Variants in PCSK2 observed in about 807,000 individuals in gnomAD.
The protein encoded by PCSK2 is neuroendocrine convertase 2.
In PCSK2, 14 loss-of-function variants were observed where a neutral mutation model predicts 69.7. That is an observed-to-expected ratio of 0.20 (90% CI 0.13 to 0.31). PCSK2 has a LOEUF of 0.31. PCSK2 is among the 10% of genes least tolerant of loss of function. The probability of loss-of-function intolerance (pLI) is 1.00; values close to 1 mark genes in which losing one functional copy is unlikely to be tolerated. For missense variants in PCSK2, 544 were observed against 842.5 expected (o/e 0.65, Z 4.39); for synonymous variants, 307 against 320.7 (o/e 0.96, Z 0.46).
chr20:17,445,418 AG>A (rs2123366683), intron 8 of PCSK2, among the ~76,000 whole-genome samples: 1 of 152,366 alleles, frequency 6.6e-6, no homozygotes, highest in Admixed American at 6.5e-5. Context: ...GAATATTTAA[AG>A]ACAAGGCTAC....
intron 1 of PCSK2, among the ~76,000 whole-genome samples, chr20:17,235,639 G>A (rs1035944353): frequency 3.9e-5 from 6 of 152,110 alleles, no homozygotes; most frequent in Non-Finnish European, 8.8e-5. Context: ...TTAAGTAGAG[G>A]GCAAAGAGAT....
At chr20:17,316,897 T>A (rs561752773) in intron 2 of PCSK2, among the ~76,000 whole-genome samples, 53 of 152,286 alleles carry the variant, frequency 3.5e-4, no homozygotes, top group African/African-American at 1.2e-3. Flanking sequence ...CCCTATGAAG[T>A]GCAGGCTTTA....
intron 8 of PCSK2, among the ~76,000 whole-genome samples, chr20:17,441,369 G>A (rs933200233): frequency 6.6e-6 from 1 of 152,198 alleles, no homozygotes; most frequent in Non-Finnish European, 1.5e-5. Context: ...GACATCAAAG[G>A]GTAGTTGTCT....
At chr20:17,394,494 A>G (rs947142442) in intron 5 of PCSK2, among the ~76,000 whole-genome samples, 3 of 152,128 alleles carry the variant, frequency 2.0e-5, no homozygotes, top group Admixed American at 2.0e-4. Context: ...AGGGACATCT[A>G]TTCACTGCAG....
At chr20:17,266,754 G>T (rs1166782914) in intron 2 of PCSK2, among the ~76,000 whole-genome samples, 2 of 152,112 alleles carry the variant, frequency 1.3e-5, no homozygotes, top group African/African-American at 2.4e-5. Flanking sequence ...TGGCCCTTCA[G>T]AGTTACCCCA....
At chr20:17,258,967 GT>G (rs1381653290) in intron 1 of PCSK2, among the ~76,000 whole-genome samples, 1 of 151,592 alleles carries the variant, frequency 6.6e-6, no homozygotes, top group Non-Finnish European at 1.5e-5. Context: ...GTGTTTTTCG[GT>G]TTTCTAAATT....
chr20:17,409,243 A>C lies in PCSK2; in HGVS notation c.544-20A>C, dbSNP rs370350327. 655 of 1,605,570 alleles carry C rather than the reference A, an allele frequency of 4.1e-4. No individual in the cohort carries two copies. Among genetic ancestry groups the C allele is most frequent in the Non-Finnish European group, 5.4e-4 (630 of 1,172,378 alleles). On this transcript the variant is annotated intron_variant, in intron 5 of 11. Coordinates refer to ENST00000262545, the MANE Select transcript of PCSK2 (RefSeq NM_002594.5). ...CGCCTCTGGCTGTACGGACCTAATG[A>C]GATGCCTTGTGTTTTTCAGAATGCC...
chr20:17,403,054 C>T (rs1453485208), intron 5 of PCSK2, among the ~76,000 whole-genome samples: 1 of 152,214 alleles, frequency 6.6e-6, no homozygotes, highest in Non-Finnish European at 1.5e-5. Flanking sequence ...TATCACTCCT[C>T]TTATCTGGAA....
rs528269244 is a variant in PCSK2, at chr20:17,367,897, G to A, written c.506-1343G>A. Among the ~76,000 whole-genome samples the A allele has an allele frequency of 1.4e-4, 21 of 152,242 alleles. No individual in the cohort carries two copies. The South Asian group carries it at 2.7e-3, about 20-fold the overall frequency. ...TGATGCCTTTCCCTCTGAAGACTTC[G>A]GGAGGCAAGTGGGAGAAGAAGGCAT... On this transcript the variant is annotated intron_variant, in intron 4 of 11. Transcript: ENST00000262545.
At chr20:17,291,063 A>C (rs1261180177) in intron 2 of PCSK2, among the ~76,000 whole-genome samples, 2 of 151,966 alleles carry the variant, frequency 1.3e-5, no homozygotes, top group Non-Finnish European at 2.9e-5. Flanking sequence ...TTTCAACCTG[A>C]GTTTAGGAGG....
intron 5 of PCSK2, among the ~76,000 whole-genome samples, chr20:17,400,813 G>A (rs1313937408): frequency 6.6e-6 from 1 of 151,994 alleles, no homozygotes; most frequent in East Asian, 1.9e-4. Flanking sequence ...AACATTTCTT[G>A]GGAATGAGTT....
intron 2 of PCSK2, among the ~76,000 whole-genome samples, chr20:17,332,251 T>C (rs1990226075): frequency 6.6e-6 from 1 of 152,178 alleles, no homozygotes. Context: ...AAGGGTTGCG[T>C]TAAAGTTTAC....
At chr20:17,242,998 G>C (rs1004379601) in intron 1 of PCSK2, among the ~76,000 whole-genome samples, 19 of 152,202 alleles carry the variant, frequency 1.2e-4, no homozygotes, top group Non-Finnish European at 2.2e-4. Flanking sequence ...ATGGCTTCTT[G>C]TTCAGTAGTT....
At chr20:17,406,965 T>C (rs900208560) in intron 5 of PCSK2, among the ~76,000 whole-genome samples, 2 of 152,140 alleles carry the variant, frequency 1.3e-5, no homozygotes, top group South Asian at 2.1e-4. Flanking sequence ...AGTAACACCA[T>C]TCCCATTGGC....
In PCSK2 at chr20:17,416,139, C is replaced by A. The variant is rs535621216; in HGVS notation, c.620+6800C>A. ...GACAAGGACTTCATGACTAAAACAC[C>A]AAAAGCAATGGCAACAAAAGCCAAA... is the stretch of plus-strand genomic sequence containing the variant. On this transcript the variant is annotated intron_variant, in intron 6 of 11. Transcript: ENST00000262545. Among the ~76,000 whole-genome samples the A allele has an allele frequency of 1.3e-3, 198 of 152,220 alleles. 1 individual carries two copies. Among genetic ancestry groups the A allele is most frequent in the Middle Eastern group, 3.4e-3 (1 of 294 alleles).
intron 11 of PCSK2, chr20:17,479,283 A>T (rs3790336): frequency 0.33 from 318,330 of 976,380 alleles, 54,033 homozygotes; most frequent in African/African-American, 0.55. Flanking sequence ...TGTTAACGAT[A>T]ATTCCACTAT....
intron 11 of PCSK2, among the ~76,000 whole-genome samples, chr20:17,467,172 A>G (rs1437984343): frequency 2.0e-5 from 3 of 152,052 alleles, no homozygotes; most frequent in Non-Finnish European, 4.4e-5. Flanking sequence ...CTGAATTCCA[A>G]TCTTGACTTC....
intron 11 of PCSK2, among the ~76,000 whole-genome samples, chr20:17,472,822 C>G (rs1176864728): frequency 6.6e-6 from 1 of 152,186 alleles, no homozygotes; most frequent in African/African-American, 2.4e-5. Context: ...CTGCCTTGGC[C>G]TCCCAAAGTG....
chr20:17,332,600 A>AT (rs1342284720), intron 2 of PCSK2, among the ~76,000 whole-genome samples: 1 of 152,082 alleles, frequency 6.6e-6, no homozygotes. Context: ...ATTGGTTAGG[A>AT]TTTTCTAAGA....
Sources: gnomAD v4.1 joint callset for allele counts (sites outside exome capture counted in the v4.1 genomes callset) on GRCh38, gnomAD v4.1.1 for gene constraint, MANE v1.5 for transcripts, NCBI Gene and HGNC (gene_info 2026-07-23, HGNC 2026-07-21) for gene names.